The following GPC5 variants were observed in gnomAD, a reference collection of about 807,000 sequenced individuals.
GPC5 encodes glypican-5.
In GPC5, 47 loss-of-function variants were observed where a neutral mutation model predicts 53.9. The ratio of observed to expected loss-of-function variants is 0.87; its 90% CI spans 0.69 to 1.11. GPC5 has a LOEUF of 1.11. GPC5 is among the 50% of genes most tolerant of loss of function. The pLI is 0.00. For missense variants in GPC5, 748 were observed against 713.1 expected (o/e 1.05, Z -0.56); for synonymous variants, 286 against 263.3 (o/e 1.09, Z -0.84).
chr13:91,536,258 A>G (rs9523352), intron 2 of GPC5, among the ~76,000 whole-genome samples: 77,077 of 152,034 alleles, frequency 0.51, 23,803 homozygotes, highest in East Asian at 0.7. Flanking sequence ...GAAATGAACC[A>G]GTGGTTTTCA....
At chr13:91,414,173 C>G (rs1422988580) in intron 1 of GPC5, among the ~76,000 whole-genome samples, 1 of 152,032 alleles carries the variant, frequency 6.6e-6, no homozygotes, top group Non-Finnish European at 1.5e-5. Context: ...TGGGAGGGAC[C>G]CAGTGGGAGG....
At chr13:92,786,613 A>C (rs1042462636) in intron 7 of GPC5, among the ~76,000 whole-genome samples, 2 of 152,178 alleles carry the variant, frequency 1.3e-5, no homozygotes, top group Admixed American at 1.3e-4. Context: ...AAAATAGTAC[A>C]TTGAGGTCAT....
rs73625265 is a variant in GPC5, at chr13:92,093,299, T to C, written c.1402-51531T>C. Among the ~76,000 whole-genome samples the C allele has an allele frequency of 5.6e-3, 859 of 152,254 alleles. 10 individuals are homozygous for C. The highest frequency in any genetic ancestry group is 0.02 in the African/African-American group (835 of 41,570). On this transcript the variant is annotated intron_variant, in intron 6 of 7. Coordinates refer to ENST00000377067, the MANE Select transcript of GPC5 (RefSeq NM_004466.6). ...CCAAGTTTATCAGTTAAGTCGGTAT[T>C]ATTACAAATCCCAATTGAGAAGTAT...
intron 7 of GPC5, among the ~76,000 whole-genome samples, chr13:92,615,416 C>T (rs571167541): frequency 6.6e-6 from 1 of 152,282 alleles, no homozygotes; most frequent in South Asian, 2.1e-4. Flanking sequence ...GCCCCCATTT[C>T]TATAGAACAT....
At chr13:91,975,461 G>T (rs2040290547) in intron 6 of GPC5, among the ~76,000 whole-genome samples, 1 of 152,074 alleles carries the variant, frequency 6.6e-6, no homozygotes, top group African/African-American at 2.4e-5. Flanking sequence ...GTGGGCAAAG[G>T]ATATGAACAG....
At chr13:92,419,297 G>T (rs1876457202) in intron 7 of GPC5, among the ~76,000 whole-genome samples, 1 of 152,006 alleles carries the variant, frequency 6.6e-6, no homozygotes, top group Admixed American at 6.5e-5. Context: ...TTCCAGCTGA[G>T]AAACTTTTCA....
At chr13:91,489,327 C>G (rs141354203) in intron 2 of GPC5, among the ~76,000 whole-genome samples, 9 of 152,150 alleles carry the variant, frequency 5.9e-5, no homozygotes, top group Non-Finnish European at 8.8e-5. Flanking sequence ...ATGTCTCCCC[C>G]GGACACCCAG....
chr13:91,480,526 C>T (rs924839645), intron 2 of GPC5, among the ~76,000 whole-genome samples: 1 of 152,184 alleles, frequency 6.6e-6, no homozygotes, highest in Admixed American at 6.5e-5. Context: ...TACTAAAAGG[C>T]TCTTTTGTAA....
chr13:91,884,861 C>T (rs1326335763), intron 5 of GPC5, among the ~76,000 whole-genome samples: 1 of 152,106 alleles, frequency 6.6e-6, no homozygotes, highest in East Asian at 1.9e-4. Flanking sequence ...TTTCCTTTCT[C>T]TTGCCCTGAA....
chr13:92,212,372 T>G (rs980048212), intron 7 of GPC5, among the ~76,000 whole-genome samples: 2 of 152,116 alleles, frequency 1.3e-5, no homozygotes, highest in African/African-American at 4.8e-5. Flanking sequence ...TACAGTATAT[T>G]TTTTCTAGCA....
At chr13:91,976,216 T>C (rs1349092970) in intron 6 of GPC5, among the ~76,000 whole-genome samples, 1 of 152,214 alleles carries the variant, frequency 6.6e-6, no homozygotes, top group Non-Finnish European at 1.5e-5. Context: ...GCAACATGTA[T>C]ACATATGTAA....
At chr13:91,690,958 T>G (rs912205589) in intron 2 of GPC5, among the ~76,000 whole-genome samples, 1 of 152,220 alleles carries the variant, frequency 6.6e-6, no homozygotes, top group Non-Finnish European at 1.5e-5. Context: ...GATTTAACCA[T>G]TATTGGTAAA....
chr13:92,691,643 T>A (rs1887403772), intron 7 of GPC5, among the ~76,000 whole-genome samples: 1 of 152,202 alleles, frequency 6.6e-6, no homozygotes, highest in Admixed American at 6.5e-5. Context: ...ATGACCATAT[T>A]AGATTTATTG....
At chr13:91,971,746 G>C (rs1438188656) in intron 6 of GPC5, among the ~76,000 whole-genome samples, 3 of 152,188 alleles carry the variant, frequency 2.0e-5, no homozygotes, top group Non-Finnish European at 4.4e-5. Flanking sequence ...TCAGAAGCAT[G>C]TTGTTAAGTT....
chr13:91,585,007 A>T (rs1468306893), intron 2 of GPC5, among the ~76,000 whole-genome samples: 2 of 152,252 alleles, frequency 1.3e-5, no homozygotes, highest in Non-Finnish European at 2.9e-5. Context: ...AATCAATAGA[A>T]AAAAGACAAG....
At chr13:92,794,888 CACAA>C in intron 7 of GPC5, among the ~76,000 whole-genome samples, 1 of 151,948 alleles carries the variant, frequency 6.6e-6, no homozygotes, top group Admixed American at 6.6e-5. Context: ...TAAAAAAGGA[CACAA>C]ACAAATGGAA....
At chr13:91,520,056 A>G (rs994820285) in intron 2 of GPC5, among the ~76,000 whole-genome samples, 3 of 152,182 alleles carry the variant, frequency 2.0e-5, no homozygotes, top group African/African-American at 7.2e-5. Context: ...GGATGGAGGC[A>G]AGCTAGAGAT....
intron 7 of GPC5, among the ~76,000 whole-genome samples, chr13:92,679,813 C>T (rs1187304969): frequency 2.6e-5 from 4 of 152,112 alleles, no homozygotes; most frequent in Non-Finnish European, 4.4e-5. Flanking sequence ...AGCTCTCTCT[C>T]ATGCACTCTC....
intron 7 of GPC5, among the ~76,000 whole-genome samples, chr13:92,535,298 A>G (rs935601946): frequency 1.3e-5 from 2 of 151,984 alleles, no homozygotes; most frequent in Admixed American, 1.3e-4. Flanking sequence ...CGCTACCAAA[A>G]CACCAAGGGT....
Sources: allele counts gnomAD v4.1 joint callset (sites outside exome capture counted in the v4.1 genomes callset), GRCh38; gene constraint gnomAD v4.1.1; transcripts MANE v1.5; gene names NCBI Gene and HGNC (gene_info 2026-07-23, HGNC 2026-07-21).